CAMK2D: variants seen among roughly 807,000 people sequenced by gnomAD.
The protein encoded by CAMK2D is calcium/calmodulin dependent protein kinase II delta.
A neutral mutation model predicts 84.0 loss-of-function variants in CAMK2D; 37 were observed. The ratio of observed to expected loss-of-function variants is 0.44; its 90% CI spans 0.34 to 0.58. The LOEUF (loss-of-function observed/expected upper bound fraction) is 0.58. CAMK2D is among the 20% of genes least tolerant of loss of function. The pLI, the probability that CAMK2D is intolerant of heterozygous loss-of-function variation, is 0.02. For missense variants in CAMK2D, 448 were observed against 652.5 expected (o/e 0.69, Z 3.41); for synonymous variants, 202 against 212.5 (o/e 0.95, Z 0.43).
At chr4:113,575,795 T>C (rs1391475730) in intron 4 of CAMK2D, among the ~76,000 whole-genome samples, 4 of 152,174 alleles carry the variant, frequency 2.6e-5, no homozygotes, top group Non-Finnish European at 5.9e-5. Context: ...ATGAAAGCGA[T>C]GTGTTCTGAT....
chr4:113,556,835 A>G (rs2098668147), intron 4 of CAMK2D, among the ~76,000 whole-genome samples: 1 of 152,206 alleles, frequency 6.6e-6, no homozygotes, highest in Non-Finnish European at 1.5e-5. Context: ...TCTGTCAGGC[A>G]GAGCACATGA....
At chr4:113,669,890 T>C (rs1008457764) in intron 2 of CAMK2D, among the ~76,000 whole-genome samples, 1 of 152,112 alleles carries the variant, frequency 6.6e-6, no homozygotes, top group Non-Finnish European at 1.5e-5. Flanking sequence ...TCAAGACCTG[T>C]CCAAAGGAGG....
intron 4 of CAMK2D, among the ~76,000 whole-genome samples, chr4:113,594,154 A>T (rs539804896): frequency 6.6e-6 from 1 of 152,304 alleles, no homozygotes; most frequent in East Asian, 1.9e-4. Flanking sequence ...AAGGCCACAC[A>T]CATTTAAATG....
At chr4:113,598,109 A>G (rs1561249723) in intron 4 of CAMK2D, among the ~76,000 whole-genome samples, 1 of 152,208 alleles carries the variant, frequency 6.6e-6, no homozygotes, top group Non-Finnish European at 1.5e-5. Context: ...AAGATAGAAG[A>G]CTGACACTAC....
chr4:113,494,416 G>T (rs1036526069), intron 16 of CAMK2D, among the ~76,000 whole-genome samples: 22 of 152,244 alleles, frequency 1.4e-4, no homozygotes, highest in Middle Eastern at 3.4e-3. Flanking sequence ...GTGTCAGTGT[G>T]CCCCTGCTGG....
At chr4:113,542,571 C>A (rs1011813998) in intron 6 of CAMK2D, among the ~76,000 whole-genome samples, 3 of 151,940 alleles carry the variant, frequency 2.0e-5, no homozygotes, top group Admixed American at 6.6e-5. Flanking sequence ...AAAAATTAAT[C>A]GGGCATGGTG....
At chr4:113,496,466 T>TA (rs1236496408) in intron 16 of CAMK2D, among the ~76,000 whole-genome samples, 2 of 145,742 alleles carry the variant, frequency 1.4e-5, no homozygotes, top group Non-Finnish European at 1.5e-5. Context: ...TTTTTTTTTT[T>TA]AAAGCAAAGT....
intron 2 of CAMK2D, among the ~76,000 whole-genome samples, chr4:113,747,241 C>T (rs1159890700): frequency 6.6e-6 from 1 of 151,452 alleles, no homozygotes; most frequent in East Asian, 1.9e-4. Flanking sequence ...GTGACTATTT[C>T]CCTACTACCA....
rs532385085 is a variant in CAMK2D at position 113,691,645 on chromosome 4, C to T, written c.161-29873G>A. Among the ~76,000 whole-genome samples the T allele has an allele frequency of 3.3e-5, 5 of 152,050 alleles. 1 individual carries two copies. Among genetic ancestry groups the T allele is most frequent in the Middle Eastern group, 3.4e-3 (1 of 294 alleles). On this transcript the variant is annotated intron_variant, in intron 2 of 20. Transcript: ENST00000511664. ...TCGAATGCCTGTAATCTCAGCTACTCGGGAGGCTGAGGCAAAAAAATCACT... is the reference window on the plus strand; with the variant it reads ...TCGAATGCCTGTAATCTCAGCTACTTGGGAGGCTGAGGCAAAAAAATCACT...
intron 8 of CAMK2D, among the ~76,000 whole-genome samples, chr4:113,530,537 A>T (rs1216869568): frequency 2.0e-5 from 3 of 152,174 alleles, no homozygotes; most frequent in Admixed American, 2.0e-4. Context: ...TGTGTCCCTC[A>T]TAAAATGCAT....
chr4:113,738,346 G>A (rs1333890865), intron 2 of CAMK2D, among the ~76,000 whole-genome samples: 1 of 152,038 alleles, frequency 6.6e-6, no homozygotes, highest in African/African-American at 2.4e-5. Context: ...GTCTGTAAAT[G>A]TTCCCTTCCA....
At chr4:113,710,876 A>T (rs974776047) in intron 2 of CAMK2D, among the ~76,000 whole-genome samples, 1 of 152,196 alleles carries the variant, frequency 6.6e-6, no homozygotes, top group Non-Finnish European at 1.5e-5. Flanking sequence ...TATCAAGTAC[A>T]CAACTTCAAT....
At chr4:113,568,829 A>G (rs904058344) in intron 4 of CAMK2D, among the ~76,000 whole-genome samples, 3 of 151,766 alleles carry the variant, frequency 2.0e-5, no homozygotes, top group Non-Finnish European at 4.4e-5. Context: ...TTTGATGTGT[A>G]TTTCTCTAAT....
chr4:113,505,126 A>G, intron 13 of CAMK2D, 91 bp from the exon 14 acceptor site: 1 of 611,516 alleles, frequency 1.6e-6, no homozygotes, highest in Non-Finnish European at 2.7e-6. Context: ...AGAGATGTAG[A>G]CATGAAGATA....
intron 6 of CAMK2D, among the ~76,000 whole-genome samples, chr4:113,542,686 G>A (rs2098538584): frequency 6.7e-6 from 1 of 149,922 alleles, no homozygotes; most frequent in Admixed American, 6.6e-5. Flanking sequence ...CTGCCCTCCA[G>A]CCTGGGCAAC....
intron 3 of CAMK2D, among the ~76,000 whole-genome samples, chr4:113,613,592 T>C (rs962973755): frequency 3.9e-5 from 6 of 152,162 alleles, no homozygotes; most frequent in Non-Finnish European, 8.8e-5. Flanking sequence ...CAGAGGTAGC[T>C]AGATGATGTC....
At chr4:113,723,855 A>G (rs2099538277) in intron 2 of CAMK2D, among the ~76,000 whole-genome samples, 1 of 152,188 alleles carries the variant, frequency 6.6e-6, no homozygotes, top group African/African-American at 2.4e-5. Flanking sequence ...GATTGTTATC[A>G]AGGTTAAAGT....
At chr4:113,634,336 G>GGA (rs1193823731) in intron 3 of CAMK2D, among the ~76,000 whole-genome samples, 7 of 152,136 alleles carry the variant, frequency 4.6e-5, no homozygotes, top group African/African-American at 7.2e-5. Context: ...TCGACTTTAT[G>GGA]GAGAGAGAGA....
At chr4:113,567,652 G>C (rs984396070) in intron 4 of CAMK2D, among the ~76,000 whole-genome samples, 1 of 152,170 alleles carries the variant, frequency 6.6e-6, no homozygotes, top group African/African-American at 2.4e-5. Context: ...GACAAGCATG[G>C]AAGTTAGTCA....
Sources: allele counts gnomAD v4.1 joint callset (sites outside exome capture counted in the v4.1 genomes callset), GRCh38; gene constraint gnomAD v4.1.1; transcripts MANE v1.5; gene names NCBI Gene and HGNC (gene_info 2026-07-23, HGNC 2026-07-21).